RPL14: variants seen among roughly 807,000 people sequenced by gnomAD.
RPL14 encodes the protein ribosomal protein L14.
Under a neutral mutation model 25.3 loss-of-function variants are expected in RPL14, and 4 were observed. The ratio of observed to expected loss-of-function variants is 0.16; its 90% CI spans 0.08 to 0.36. The LOEUF is 0.36. RPL14 is among the 10% of genes least tolerant of loss of function. RPL14 has a pLI of 1.00. For synonymous variants in RPL14, 75 were observed against 89.8 expected (o/e 0.84, Z 0.93); for missense variants, 212 against 261.9 (o/e 0.81, Z 1.31).
chr3:40,461,820 C>A, intron 5 of RPL14, 119 bp from the exon 6 acceptor site: 1 of 1,309,116 alleles, frequency 7.6e-7, no homozygotes, highest in Non-Finnish European at 1.0e-6. Flanking sequence ...GAATTGTTAC[C>A]TTTCTTCAGA....
Position 40,466,514 on chromosome 3 carries a change from T to C in RPL14, c.*4282T>C, listed in dbSNP as rs369566990. ...GGTGAAACCCTGTCTCTACTAAAAA[T>C]CAAAAAAAAAAAAAAAAAAATGGCT... On this transcript the variant is annotated 3_prime_UTR_variant, in exon 6 of 6. Transcript: ENST00000396203. The C allele has an allele frequency of 5.0e-4, 6 of 12,000 alleles. No homozygotes were observed. The East Asian group carries it at 9.4e-3, about 19-fold the overall frequency. The allele number at this position is 12,000 out of a possible 1,614,324, so 0.7% of individuals were successfully genotyped here. A position where few individuals can be genotyped will look rare whatever the true frequency, so the allele number is the denominator to read the frequency against.
rs529440218 is a variant in RPL14 at position 40,458,473 on chromosome 3, C to A, written c.106-169C>A. The A allele has an allele frequency of 2.2e-4, 136 of 604,642 alleles. No individual in the cohort carries two copies. In the African/African-American group the frequency reaches 2.4e-3, roughly 11 times the overall value. 37.5% of individuals were successfully genotyped at this position (604,642 alleles called of 1,614,324 possible). A position where few individuals can be genotyped will look rare whatever the true frequency, so the allele number is the denominator to read the frequency against. On this transcript the variant is annotated intron_variant, in intron 2 of 5. Transcript: ENST00000396203. Reference sequence around the variant, plus strand: ...AGAAATGTTTGTGTTGAGCAAAAGACATACATATATATAACCCAGATAGGA... The same window carrying A: ...AGAAATGTTTGTGTTGAGCAAAAGAAATACATATATATAACCCAGATAGGA...
In RPL14 at chr3:40,457,910, G is replaced by C; in HGVS notation, c.24G>C (p.Glu8Asp). 1 of 1,614,252 alleles carries C rather than the reference G, an allele frequency of 6.2e-7. No individual in the cohort carries two copies. The highest frequency in any genetic ancestry group is 8.5e-7 in the Non-Finnish European group (1 of 1,180,044). Residue 8 changes from glutamate (E) to aspartate (D), a missense_variant, in exon 2 of 6, where the codon GAG becomes GAC. Physicochemically the swap from Glu to Asp is conservative, Grantham distance 45. Around this residue, in one of 3 missense-constraint regions of RPL14, gnomAD observed 143 missense variants for 180.3 expected, o/e 0.79. Coordinates refer to ENST00000396203, the MANE Select transcript of RPL14 (RefSeq NM_001034996.3). The stretch of plus-strand genomic sequence containing the variant: ...TTTAGGTGTTCAGGCGCTTCGTGGA[G>C]GTTGGCCGGGTGGCCTATGTCTCCT... MVFRRFVEVGRVAYVSFG... is the reference protein window; with the variant it reads MVFRRFVDVGRVAYVSFG...
intron 5 of RPL14, 103 bp downstream of exon 5, chr3:40,461,764 A>T (rs1054366325): frequency 1.1e-5 from 15 of 1,325,246 alleles, no homozygotes; most frequent in African/African-American, 1.5e-5. Flanking sequence ...AGCTTTCTGT[A>T]AAAAAGGAGA....
At chr3:40,459,648 G>A (rs373477794) in intron 3 of RPL14, among the ~76,000 whole-genome samples, 97 of 152,184 alleles carry the variant, frequency 6.4e-4, no homozygotes, top group African/African-American at 2.2e-3. Flanking sequence ...GAGGTCAGGA[G>A]ATGGAGACCG....
In RPL14 at chr3:40,467,964, G is replaced by A. The variant is rs570572488; in HGVS notation, c.*5732G>A. 1 of 152,272 alleles carries A rather than the reference G, an allele frequency of 6.6e-6. No individual in the cohort carries two copies. Among genetic ancestry groups the A allele is most frequent in the Admixed American group, 6.5e-5 (1 of 15,284 alleles). 9.4% of individuals were successfully genotyped at this position (152,272 alleles called of 1,614,324 possible). A position where few individuals can be genotyped will look rare whatever the true frequency, so the allele number is the denominator to read the frequency against. Reference sequence around the variant, plus strand: ...ACCTCCTGAGTAGCTGGGATTACAGGAGTGTGCCACCACACCTGGCTAATG... The same window carrying A: ...ACCTCCTGAGTAGCTGGGATTACAGAAGTGTGCCACCACACCTGGCTAATG... On this transcript the variant is annotated 3_prime_UTR_variant, in exon 6 of 6. Transcript: ENST00000396203.
Position 40,463,947 on chromosome 3 carries a change from A to G in RPL14, c.*1715A>G, listed in dbSNP as rs1311049382. ...GATCCTGGATAGATTTAAAAATACTACAAAGCTGTACATGAAACAGGATTA... is the reference window on the plus strand; with the variant it reads ...GATCCTGGATAGATTTAAAAATACTGCAAAGCTGTACATGAAACAGGATTA... On this transcript the variant is annotated 3_prime_UTR_variant, in exon 6 of 6. Transcript: ENST00000396203. 1 of 153,658 alleles carries G rather than the reference A, an allele frequency of 6.5e-6. No homozygotes were observed. The highest frequency in any genetic ancestry group is 1.9e-4 in the East Asian group (1 of 5,206). The allele number at this position is 153,658 out of a possible 1,614,324, so 9.5% of individuals were successfully genotyped here. A position where few individuals can be genotyped will look rare whatever the true frequency, so the allele number is the denominator to read the frequency against.
At position 40,462,276 on chromosome 3, in the gene RPL14, A is replaced by T. The variant is rs747480063; in HGVS notation, c.*44A>T. 3.9e-6 allele frequency: 6 copies of T among 1,536,046 alleles called. No homozygotes were observed. In the African/African-American group the frequency reaches 8.4e-5, roughly 22 times the overall value. ...AATAAAGGTTCTTTTTGACCTGTTG[A>T]CAAATGTATTTAAGCCTTTGGATTT... is the stretch of plus-strand genomic sequence containing the variant. On this transcript the variant is annotated 3_prime_UTR_variant, in exon 6 of 6. Transcript: ENST00000396203.
At position 40,468,255 on chromosome 3, in the gene RPL14, ATG is replaced by A. The variant is rs1347424322; in HGVS notation, c.*6026_*6027del. ...ATCAGTGCACTTGCTGGATTGAAGA[ATG>A]TGAGTGTTTGTATCACTCTTTCAGT... On this transcript the variant is annotated 3_prime_UTR_variant, in exon 6 of 6. Transcript: ENST00000396203. 3.9e-5 allele frequency: 6 copies of A among 152,224 alleles called. No homozygotes were observed. The allele number at this position is 152,224 out of a possible 1,614,324, so 9.4% of individuals were successfully genotyped here.
Position 40,463,795 on chromosome 3 carries a change from A to G in RPL14, c.*1563A>G, listed in dbSNP as rs535330214. 2 of 152,486 alleles carry G rather than the reference A, an allele frequency of 1.3e-5. No individual in the cohort carries two copies. The highest frequency in any genetic ancestry group is 4.1e-4 in the South Asian group (2 of 4,850). 9.4% of individuals were successfully genotyped at this position (152,486 alleles called of 1,614,324 possible). A position where few individuals can be genotyped will look rare whatever the true frequency, so the allele number is the denominator to read the frequency against. ...CATCCCCAAAGTGTCATGTATATGCACTTAACTCCAACATCAGAACACATC... is the reference window on the plus strand; with the variant it reads ...CATCCCCAAAGTGTCATGTATATGCGCTTAACTCCAACATCAGAACACATC... On this transcript the variant is annotated 3_prime_UTR_variant, in exon 6 of 6. Transcript: ENST00000396203.
Position 40,462,541 on chromosome 3 carries a change from T to A in RPL14, c.*309T>A, listed in dbSNP as rs1013842351. On this transcript the variant is annotated 3_prime_UTR_variant, in exon 6 of 6. Transcript: ENST00000396203. ...ACAGGTGCCCGCCACCGCGCCTGGC[T>A]AATTTTTTGTATTTTTAGTAGAGAC... 5.7e-5 allele frequency: 12 copies of A among 210,878 alleles called. No homozygotes were observed. The highest frequency in any genetic ancestry group is 2.8e-4 in the African/African-American group (12 of 42,450). 13.1% of individuals were successfully genotyped at this position (210,878 alleles called of 1,614,324 possible). A position where few individuals can be genotyped will look rare whatever the true frequency, so the allele number is the denominator to read the frequency against.
rs1696995817 is a variant in RPL14 at position 40,464,274 on chromosome 3, A to T, written c.*2042A>T. The T allele has an allele frequency of 2.8e-6, 1 of 356,932 alleles. No homozygotes were observed. Among genetic ancestry groups the T allele is most frequent in the Non-Finnish European group, 5.5e-6 (1 of 181,588 alleles). 22.1% of individuals were successfully genotyped at this position (356,932 alleles called of 1,614,324 possible). A position where few individuals can be genotyped will look rare whatever the true frequency, so the allele number is the denominator to read the frequency against. ...CGCTTCTGGCCAGGAATACATTTTA[A>T]ATAAATTTGTTTCCTAACCAAAAGC... On this transcript the variant is annotated 3_prime_UTR_variant, in exon 6 of 6. Coordinates refer to ENST00000396203, the MANE Select transcript of RPL14 (RefSeq NM_001034996.3).
intron 5 of RPL14, 51 bp from the exon 6 acceptor site, chr3:40,461,888 T>C: frequency 6.5e-7 from 1 of 1,536,892 alleles, no homozygotes; most frequent in African/African-American, 1.4e-5. Context: ...ATAAATTGGA[T>C]TTTATTGTAT....
chr3:40,461,956 G>A lies in RPL14; in HGVS notation c.372G>A (p.Lys124=). Reference sequence around the variant, plus strand: ...ATTTTCAGAGGAACAGAATAATCAAGAATGAAGTTAAGAAGCTTCAAAAGG... The same window carrying A: ...ATTTTCAGAGGAACAGAATAATCAAAAATGAAGTTAAGAAGCTTCAAAAGG... The part of the protein sequence containing the change: ...KAKKMRNRII[K]NEVKKLQKAA... Residue 124 remains lysine, a synonymous_variant, in exon 6 of 6, where the codon AAG becomes AAA. Coordinates refer to ENST00000396203, the MANE Select transcript of RPL14 (RefSeq NM_001034996.3). The A allele has an allele frequency of 6.2e-7, 1 of 1,601,628 alleles. No individual in the cohort carries two copies. Among genetic ancestry groups the A allele is most frequent in the Non-Finnish European group, 8.5e-7 (1 of 1,175,904 alleles).
chr3:40,460,486 C>A (rs1696919938), intron 3 of RPL14, among the ~76,000 whole-genome samples: 1 of 151,442 alleles, frequency 6.6e-6, no homozygotes, highest in Non-Finnish European at 1.5e-5. Context: ...CCAGTGCATT[C>A]TCCATCCTGG....
chr3:40,462,383 T>G lies in RPL14; in HGVS notation c.*151T>G. ...TTAAATAATCAGTTCCTTTTTTTTT[T>G]TTTTTTTTTTTGAGATGGAGTCTCG... On this transcript the variant is annotated 3_prime_UTR_variant, in exon 6 of 6. Transcript: ENST00000396203. The G allele has an allele frequency of 4.7e-6, 4 of 854,104 alleles. No homozygotes were observed. Among genetic ancestry groups the G allele is most frequent in the Non-Finnish European group, 6.8e-6 (4 of 584,228 alleles). 52.9% of individuals were successfully genotyped at this position (854,104 alleles called of 1,614,324 possible). A position where few individuals can be genotyped will look rare whatever the true frequency, so the allele number is the denominator to read the frequency against.
chr3:40,460,870 C>G (rs1189394460), intron 3 of RPL14, among the ~76,000 whole-genome samples: 1 of 151,512 alleles, frequency 6.6e-6, no homozygotes, highest in Non-Finnish European at 1.5e-5. Flanking sequence ...GTGTGAGCCA[C>G]TGCGCCTGGT....
rs529573215 is a variant in RPL14 at position 40,458,879 on chromosome 3, C to A, written c.200+143C>A. 4.5e-5 allele frequency: 31 copies of A among 683,086 alleles called. No individual in the cohort carries two copies. In the African/African-American group the frequency reaches 4.8e-4, roughly 11 times the overall value. The allele number at this position is 683,086 out of a possible 1,614,324, so 42.3% of individuals were successfully genotyped here. Reference sequence around the variant, plus strand: ...CATAGAAGTAGACAGGGATTATTTACTTTTAAAATGTCTTGCCTGCGCGTG... The same window carrying A: ...CATAGAAGTAGACAGGGATTATTTAATTTTAAAATGTCTTGCCTGCGCGTG... On this transcript the variant is annotated intron_variant, in intron 3 of 5. Transcript: ENST00000396203.
intron 3 of RPL14, chr3:40,458,940 C>G (rs1203118809): frequency 3.9e-6 from 2 of 507,012 alleles, no homozygotes; most frequent in African/African-American, 3.9e-5. Flanking sequence ...CTTTGGGAGG[C>G]CACGGTGGGA....
Sources: gnomAD v4.1 joint callset for allele counts (sites outside exome capture counted in the v4.1 genomes callset) on GRCh38, gnomAD v4.1.1 for gene constraint, gnomAD v4.1.1 regional missense constraint, MANE v1.5 for transcripts, NCBI Gene and HGNC (gene_info 2026-07-23, HGNC 2026-07-21) for gene names.